RBMS1: variants seen among roughly 807,000 people sequenced by gnomAD.
The protein encoded by RBMS1 is RNA-binding motif, single-stranded-interacting protein 1.
In RBMS1, 17 loss-of-function variants were observed where a neutral mutation model predicts 62.3. The ratio of observed to expected loss-of-function variants is 0.27; its 90% CI spans 0.19 to 0.41. The LOEUF is 0.41. Ranked by LOEUF, RBMS1 falls within the 10% of genes least tolerant of loss-of-function variation. RBMS1 has a pLI of 1.00. For synonymous variants in RBMS1, 172 were observed against 170.0 expected, an observed-to-expected ratio of 1.01 and a Z score of -0.09; for missense variants, 334 against 504.5, an observed-to-expected ratio of 0.66 and a Z score of 3.24.
chr2:160,309,028 TTC>T (rs1204215377), intron 4 of RBMS1, among the ~76,000 whole-genome samples: 5 of 152,206 alleles, frequency 3.3e-5, no homozygotes, highest in Non-Finnish European at 1.5e-5. Flanking sequence ...CTCTTTCTAA[TTC>T]TGTTTAAGGG....
intron 1 of RBMS1, among the ~76,000 whole-genome samples, chr2:160,382,915 G>C (rs1263656424): frequency 6.6e-6 from 1 of 151,798 alleles, no homozygotes; most frequent in Non-Finnish European, 1.5e-5. Context: ...TTCACATGTA[G>C]AGCCATCCTA....
intron 1 of RBMS1, among the ~76,000 whole-genome samples, chr2:160,416,600 C>A (rs929861203): frequency 2.0e-5 from 3 of 152,138 alleles, no homozygotes; most frequent in African/African-American, 4.8e-5. Flanking sequence ...CCCTGCCCCG[C>A]CACCAGTGCC....
chr2:160,470,638 A>G (rs1684877446), intron 1 of RBMS1, among the ~76,000 whole-genome samples: 1 of 151,686 alleles, frequency 6.6e-6, no homozygotes, highest in Non-Finnish European at 1.5e-5. Context: ...AATTAGGTCT[A>G]TTTCTCTAGT....
intron 1 of RBMS1, among the ~76,000 whole-genome samples, chr2:160,398,564 T>C (rs768727684): frequency 6.6e-6 from 1 of 152,196 alleles, no homozygotes; most frequent in Non-Finnish European, 1.5e-5. Flanking sequence ...GATTCTTCCT[T>C]ATGAGAAACT....
At chr2:160,417,954 CA>C (rs1273907756) in intron 1 of RBMS1, among the ~76,000 whole-genome samples, 1 of 152,190 alleles carries the variant, frequency 6.6e-6, no homozygotes, top group Non-Finnish European at 1.5e-5. Context: ...TGAGAAACTT[CA>C]CCCTAATCTC....
intron 2 of RBMS1, among the ~76,000 whole-genome samples, chr2:160,365,350 C>T (rs918041207): frequency 2.0e-5 from 3 of 152,022 alleles, no homozygotes; most frequent in African/African-American, 4.8e-5. Context: ...TTGCAAGTGA[C>T]GGGAGAGAGT....
chr2:160,472,448 G>A (rs982209493), intron 1 of RBMS1, among the ~76,000 whole-genome samples: 15 of 152,036 alleles, frequency 9.9e-5, no homozygotes, highest in African/African-American at 3.6e-4. Flanking sequence ...CATTCTGGCC[G>A]AGCTATAACT....
intron 1 of RBMS1, among the ~76,000 whole-genome samples, chr2:160,371,292 T>G (rs1693709206): frequency 6.6e-6 from 1 of 152,224 alleles, no homozygotes; most frequent in Admixed American, 6.5e-5. Context: ...TCATCACTGG[T>G]AGTCCTTCTA....
At chr2:160,483,450 T>C (rs1337596935) in intron 1 of RBMS1, among the ~76,000 whole-genome samples, 1 of 152,204 alleles carries the variant, frequency 6.6e-6, no homozygotes, top group Non-Finnish European at 1.5e-5. Flanking sequence ...CATAGCACAC[T>C]TATACGTTAC....
Position 160,493,276 on chromosome 2 carries a change from G to C in RBMS1, c.75+13C>G. ...CCTCCTCCGGCCGTCACCTCTCCCC[G>C]GCGCCCCTTTACCTTGGCTTGCAGA... On this transcript the variant is annotated intron_variant, in intron 1 of 13. Coordinates refer to ENST00000348849, the MANE Select transcript of RBMS1 (RefSeq NM_016836.4). The C allele has an allele frequency of 2.5e-6, 4 of 1,611,920 alleles. No homozygotes were observed. The highest frequency in any genetic ancestry group is 2.2e-5 in the East Asian group (1 of 44,790).
chr2:160,339,677 C>T (rs951807388), intron 2 of RBMS1, among the ~76,000 whole-genome samples: 5 of 150,430 alleles, frequency 3.3e-5, no homozygotes, highest in East Asian at 2.0e-4. Context: ...TCTTTACATA[C>T]GTGTGTGTGA....
intron 1 of RBMS1, among the ~76,000 whole-genome samples, chr2:160,407,007 CACACAGACACACACAGAG>C (rs1314458930): frequency 2.7e-5 from 4 of 150,706 alleles, no homozygotes; most frequent in Admixed American, 2.6e-4. Flanking sequence ...CGCGCGCGAA[CACACAGACACACACAGAG>C]ACACAGACAC....
chr2:160,449,395 TGTG>T (rs1683859715), intron 1 of RBMS1, among the ~76,000 whole-genome samples: 1 of 152,092 alleles, frequency 6.6e-6, no homozygotes, highest in African/African-American at 2.4e-5. Context: ...AAGGGGGAAA[TGTG>T]GGGAAAAGAA....
intron 2 of RBMS1, among the ~76,000 whole-genome samples, chr2:160,348,789 G>GCATC: frequency 6.6e-6 from 1 of 152,230 alleles, no homozygotes; most frequent in Middle Eastern, 3.4e-3. Context: ...GTATCTCAAT[G>GCATC]CATCCTATTG....
At chr2:160,313,912 T>C (rs938036940) in intron 3 of RBMS1, among the ~76,000 whole-genome samples, 2 of 152,118 alleles carry the variant, frequency 1.3e-5, no homozygotes, top group African/African-American at 4.8e-5. Flanking sequence ...AAACAAAACA[T>C]AACAAAACAA....
intron 4 of RBMS1, among the ~76,000 whole-genome samples, chr2:160,311,607 C>A (rs1482133981): frequency 1.3e-5 from 2 of 151,812 alleles, no homozygotes; most frequent in Non-Finnish European, 2.9e-5. Flanking sequence ...TTCCTCTTTA[C>A]TTGAAGAAGC....
chr2:160,366,966 A>G (rs763510072), intron 2 of RBMS1: 4 of 306,120 alleles, frequency 1.3e-5, no homozygotes, highest in Non-Finnish European at 2.4e-5. Context: ...TTTACTTCTC[A>G]TATGCCCATA....
At chr2:160,296,061 G>A (rs768310512) in intron 6 of RBMS1, among the ~76,000 whole-genome samples, 7 of 152,180 alleles carry the variant, frequency 4.6e-5, no homozygotes, top group African/African-American at 9.7e-5. Flanking sequence ...GCAAGAAAAC[G>A]CCAGCTGGGC....
At chr2:160,449,108 G>C (rs372875814) in intron 1 of RBMS1, among the ~76,000 whole-genome samples, 77 of 149,160 alleles carry the variant, frequency 5.2e-4, no homozygotes, top group Admixed American at 3.1e-3. Flanking sequence ...CAGCCGCCCC[G>C]TCTGGGAAGT....
Sources: gnomAD v4.1 joint callset for allele counts (sites outside exome capture counted in the v4.1 genomes callset) on GRCh38, gnomAD v4.1.1 for gene constraint, MANE v1.5 for transcripts, NCBI Gene and HGNC (gene_info 2026-07-23, HGNC 2026-07-21) for gene names.